Variants in PAAF1 observed in about 807,000 individuals in gnomAD.
PAAF1 encodes the protein proteasomal ATPase associated factor 1, also known as proteasomal ATPase-associated factor 1.
In PAAF1, 46 loss-of-function variants were observed where a neutral mutation model predicts 52.8. The observed-to-expected ratio is 0.87, with a 90% CI of 0.69 to 1.11. PAAF1 has a LOEUF of 1.11. Among genes scored for constraint, PAAF1 ranks in the 50% most tolerant of loss-of-function variants. The probability of loss-of-function intolerance (pLI) is 0.00; values close to 1 mark genes in which losing one functional copy is unlikely to be tolerated. For missense variants in PAAF1, 424 were observed against 477.4 expected (o/e 0.89, Z 1.04); for synonymous variants, 178 against 172.8 (o/e 1.03, Z -0.24).
At chr11:73,922,835 A>T (rs1022519859) in intron 10 of PAAF1, among the ~76,000 whole-genome samples, 6 of 147,830 alleles carry the variant, frequency 4.1e-5, no homozygotes, top group Non-Finnish European at 9.1e-5. Context: ...AAAAAAAAAA[A>T]GAAGTTGGAT....
intron 10 of PAAF1, chr11:73,922,285 C>A: frequency 2.0e-5 from 10 of 512,714 alleles, no homozygotes; most frequent in East Asian, 4.7e-5. Context: ...ACTTCCAGTA[C>A]TGATGTCTAA....
intron 9 of PAAF1, among the ~76,000 whole-genome samples, chr11:73,918,352 A>ATTTTTTTTTTGTTTTTTTTTT (rs1950123333): frequency 1.4e-5 from 1 of 71,668 alleles, no homozygotes; most frequent in Non-Finnish European, 2.6e-5. Context: ...CAGTTACTTA[A>ATTTTTTTTTTGTTTTTTTTTT]TTTTTTTTTT....
At chr11:73,914,365 C>A (rs370500568) in intron 7 of PAAF1, 48 bp from the exon 8 acceptor site, 12 of 1,535,472 alleles carry the variant, frequency 7.8e-6, no homozygotes, top group African/African-American at 1.4e-5. Flanking sequence ...GTGGGCACTA[C>A]CAGCTGATCA....
intron 10 of PAAF1, chr11:73,921,797 A>G: frequency 1.7e-6 from 2 of 1,181,224 alleles, no homozygotes; most frequent in Non-Finnish European, 2.5e-6. Flanking sequence ...TGTTGTAAAT[A>G]GGCCCTCATC....
At chr11:73,896,370 A>T (rs1175681833) in intron 4 of PAAF1, among the ~76,000 whole-genome samples, 7 of 147,430 alleles carry the variant, frequency 4.7e-5, no homozygotes, top group African/African-American at 1.8e-4. Context: ...GGGTCACAGG[A>T]CAATAGTGGA....
chr11:73,885,955 T>G (rs1045277841), intron 2 of PAAF1, among the ~76,000 whole-genome samples: 4 of 152,180 alleles, frequency 2.6e-5, no homozygotes, highest in Non-Finnish European at 4.4e-5. Context: ...AATAAATGAA[T>G]GTAGCACCCT....
chr11:73,886,458 G>A (rs1259944391), intron 2 of PAAF1, among the ~76,000 whole-genome samples: 1 of 152,036 alleles, frequency 6.6e-6, no homozygotes, highest in East Asian at 1.9e-4. Context: ...AGTGGATCAC[G>A]AGGTCAGGAG....
At chr11:73,914,574 T>C in intron 8 of PAAF1, 70 bp downstream of exon 8, 1 of 1,315,668 alleles carries the variant, frequency 7.6e-7, no homozygotes, top group Non-Finnish European at 1.1e-6. Context: ...GAAAGCTATT[T>C]TGGAAACATT....
At chr11:73,923,113 T>C (rs1205403762) in intron 10 of PAAF1, among the ~76,000 whole-genome samples, 1 of 152,170 alleles carries the variant, frequency 6.6e-6, no homozygotes, top group Non-Finnish European at 1.5e-5. Context: ...TTTCATCTGT[T>C]AGCATTTCTA....
At chr11:73,897,103 GT>G (rs1949407497) in intron 4 of PAAF1, among the ~76,000 whole-genome samples, 2 of 144,468 alleles carry the variant, frequency 1.4e-5, no homozygotes, top group Non-Finnish European at 1.5e-5. Context: ...GCCGGGCAGA[GT>G]GGCTCCTCAC....
Position 73,895,717 on chromosome 11 carries a change from GGTT to G in PAAF1, c.283-3425_283-3423del, listed in dbSNP as rs146986148. On this transcript the variant is annotated intron_variant, in intron 4 of 11. Coordinates refer to ENST00000310571, the MANE Select transcript of PAAF1 (RefSeq NM_025155.3). The stretch of plus-strand genomic sequence containing the variant: ...CATCATTTCTGGAGCATTTGCAGCT[GGTT>G]GTTTTTTAATAAAAGTGTACATGTA... Among the ~76,000 whole-genome samples, 1,350 of 152,306 alleles carry G rather than the reference GGTT, an allele frequency of 8.9e-3. 17 individuals carry two copies. Among genetic ancestry groups the G allele is most frequent in the African/African-American group, 0.031 (1,286 of 41,560 alleles).
chr11:73,886,093 C>T (rs77966831), intron 2 of PAAF1, among the ~76,000 whole-genome samples: 6,402 of 152,274 alleles, frequency 0.042, 173 homozygotes, highest in Middle Eastern at 0.1. Context: ...TTCATTCTAT[C>T]ATCTGCGTGT....
intron 4 of PAAF1, among the ~76,000 whole-genome samples, chr11:73,893,755 AAAAAAAG>A (rs1949267834): frequency 1.3e-5 from 2 of 149,406 alleles, no homozygotes; most frequent in Non-Finnish European, 3.0e-5. Flanking sequence ...AAAAAAAAAA[AAAAAAAG>A]AAAGAAAAAA....
chr11:73,907,469 A>G (rs559951320), intron 6 of PAAF1, among the ~76,000 whole-genome samples: 1 of 152,224 alleles, frequency 6.6e-6, no homozygotes, highest in Admixed American at 6.5e-5. Flanking sequence ...CAGTTGCACC[A>G]CCTGACTTGC....
intron 3 of PAAF1, chr11:73,889,365 C>G: frequency 1.8e-6 from 1 of 559,838 alleles, no homozygotes; most frequent in Non-Finnish European, 2.7e-6. Context: ...AAATGTCTAA[C>G]CCTGGAGCAT....
chr11:73,919,614 A>G (rs568579770), intron 10 of PAAF1, among the ~76,000 whole-genome samples: 38 of 152,338 alleles, frequency 2.5e-4, no homozygotes, highest in Middle Eastern at 3.4e-3. Context: ...GATGCTTTAC[A>G]TACATATTCT....
At chr11:73,910,989 CAA>C (rs59523527) in intron 7 of PAAF1, among the ~76,000 whole-genome samples, 708 of 69,478 alleles carry the variant, frequency 0.01, 8 homozygotes, top group African/African-American at 0.033. Context: ...GACTCTGTCT[CAA>C]AAAAAAAAAA....
chr11:73,926,588 A>G (rs1824735941), intron 11 of PAAF1, among the ~76,000 whole-genome samples: 1 of 152,102 alleles, frequency 6.6e-6, no homozygotes, highest in Admixed American at 6.6e-5. Context: ...GGGTGTGTGT[A>G]GTCCCAGCTA....
chr11:73,900,526 T>C, intron 6 of PAAF1, 106 bp downstream of exon 6: 1 of 1,322,306 alleles, frequency 7.6e-7, no homozygotes, highest in Non-Finnish European at 1.0e-6. Context: ...AAATAATCCA[T>C]CCAGCTGGGC....
Sources: gnomAD v4.1 joint callset for allele counts (sites outside exome capture counted in the v4.1 genomes callset) on GRCh38, gnomAD v4.1.1 for gene constraint, MANE v1.5 for transcripts, NCBI Gene and HGNC (gene_info 2026-07-23, HGNC 2026-07-21) for gene names.